The following CYTH3 variants were observed in gnomAD, a reference collection of about 807,000 sequenced individuals.
The protein encoded by CYTH3 is cytohesin-3.
CYTH3 carries 23 observed loss-of-function variants against 55.1 expected under a neutral mutation model. The observed-to-expected ratio is 0.42, with a 90% CI of 0.30 to 0.59. The LOEUF (loss-of-function observed/expected upper bound fraction) is 0.59, where lower values mean the gene tolerates loss of function less well. CYTH3 is among the 20% of genes least tolerant of loss of function. CYTH3 has a pLI of 0.20. For missense variants in CYTH3, 413 were observed against 524.8 expected (o/e 0.79, Z 2.08); for synonymous variants, 249 against 194.9 (o/e 1.28, Z -2.31).
At chr7:6,227,855 G>T (rs1323741229) in intron 1 of CYTH3, among the ~76,000 whole-genome samples, 3 of 152,194 alleles carry the variant, frequency 2.0e-5, no homozygotes, top group African/African-American at 7.2e-5. Context: ...ATGTGAACAA[G>T]TAACCTTACT....
chr7:6,264,103 T>C (rs1346974735), intron 1 of CYTH3, among the ~76,000 whole-genome samples: 2 of 151,558 alleles, frequency 1.3e-5, no homozygotes, highest in African/African-American at 2.4e-5. Flanking sequence ...AAAAATTAGC[T>C]GGGCATGATG....
intron 1 of CYTH3, among the ~76,000 whole-genome samples, chr7:6,258,754 G>T (rs1470682642): frequency 2.0e-5 from 3 of 152,096 alleles, no homozygotes; most frequent in Non-Finnish European, 4.4e-5. Context: ...CAAATCAAGA[G>T]TTGTTATTTA....
In CYTH3 at chr7:6,205,457, C is replaced by A. The variant is rs1421331314; in HGVS notation, c.35-14926G>T. On this transcript the variant is annotated intron_variant, in intron 1 of 12. Coordinates refer to ENST00000350796, the MANE Select transcript of CYTH3 (RefSeq NM_004227.4). ...GGCATGGCAGTGCACGCCTGTAATC[C>A]CAGCTACTCGGGAGGCTGAGGCAGG... 3.3e-5 allele frequency among the ~76,000 whole-genome samples: 5 copies of A among 152,072 alleles called. No homozygotes were observed. The South Asian group carries it at 1.0e-3, about 32-fold the overall frequency.
intron 1 of CYTH3, among the ~76,000 whole-genome samples, chr7:6,271,706 A>T (rs1308776493): frequency 6.6e-6 from 1 of 152,158 alleles, no homozygotes; most frequent in African/African-American, 2.4e-5. Flanking sequence ...CGTCAGACAC[A>T]GACCACCTGG....
intron 1 of CYTH3, among the ~76,000 whole-genome samples, chr7:6,244,406 T>A (rs2128556051): frequency 6.6e-6 from 1 of 152,360 alleles, no homozygotes; most frequent in African/African-American, 2.4e-5. Context: ...TGAAGTACCC[T>A]AGTAGAATCC....
intron 1 of CYTH3, among the ~76,000 whole-genome samples, chr7:6,244,061 T>C (rs1302955854): frequency 6.6e-6 from 1 of 152,218 alleles, no homozygotes; most frequent in Non-Finnish European, 1.5e-5. Flanking sequence ...GGTACTAAAA[T>C]AGTAAGTAAG....
chr7:6,165,847 G>A, intron 9 of CYTH3, 37 bp from the exon 10 acceptor site: 1 of 1,609,270 alleles, frequency 6.2e-7, no homozygotes, highest in Non-Finnish European at 8.5e-7. Context: ...TGCGCTCCGT[G>A]CACAGGGAGC....
At position 6,208,486 on chromosome 7, in the gene CYTH3, C is replaced by G. The variant is rs1490032592; in HGVS notation, c.35-17955G>C. Among the ~76,000 whole-genome samples, 3 of 152,198 alleles carry G rather than the reference C, an allele frequency of 2.0e-5. No homozygotes were observed. In the East Asian group the frequency reaches 5.9e-4, roughly 30 times the overall value. Reference sequence around the variant, plus strand: ...ACCTAAGGGCCAAGGACATAGCCAGCTCCTTGGGAACCTTGGCAAAAGTAC... The same window carrying G: ...ACCTAAGGGCCAAGGACATAGCCAGGTCCTTGGGAACCTTGGCAAAAGTAC... On this transcript the variant is annotated intron_variant, in intron 1 of 12. Transcript: ENST00000350796.
chr7:6,255,012 C>T (rs1333121758), intron 1 of CYTH3, among the ~76,000 whole-genome samples: 2 of 152,224 alleles, frequency 1.3e-5, no homozygotes, highest in Admixed American at 6.5e-5. Flanking sequence ...ACTCACTCTA[C>T]TCAGTATGTA....
At position 6,171,033 on chromosome 7, in the gene CYTH3, CCCCGCGTGCTGGGGG is replaced by C; in HGVS notation, c.563-70_563-56del. On this transcript the variant is annotated intron_variant, in intron 7 of 12. Transcript: ENST00000350796. The surrounding 1 kb of genome is among the most constrained non-coding windows in gnomAD (Gnocchi z 6.7). ...CCAGAACCTCCAGTGGACAGTGGGA[CCCCGCGTGCTGGGGG>C]CCCGCCTGCAAGAGGTGCCCGGCCC... 1.2e-6 allele frequency: 2 copies of C among 1,605,652 alleles called. No homozygotes were observed. The highest frequency in any genetic ancestry group is 1.7e-6 in the Non-Finnish European group (2 of 1,175,706).
chr7:6,166,741 G>C (rs112395818), intron 9 of CYTH3, among the ~76,000 whole-genome samples: 1 of 152,242 alleles, frequency 6.6e-6, no homozygotes, highest in South Asian at 2.1e-4. Flanking sequence ...GGCCGGAAGC[G>C]GGTCTCTGCA....
chr7:6,224,423 G>T (rs954872309), intron 1 of CYTH3, among the ~76,000 whole-genome samples: 3 of 152,086 alleles, frequency 2.0e-5, no homozygotes, highest in Non-Finnish European at 4.4e-5. Context: ...ATGGTGCTGG[G>T]ACAACTGGAC....
In CYTH3 at chr7:6,208,885, A is replaced by G. The variant is rs552043842; in HGVS notation, c.35-18354T>C. ...ATGGTCTAAAGATCTTCTCCATCAG[A>G]AACACTTGGAGGTAATTGTCTAAAA... On this transcript the variant is annotated intron_variant, in intron 1 of 12. Transcript: ENST00000350796. 7.9e-5 allele frequency among the ~76,000 whole-genome samples: 12 copies of G among 152,336 alleles called. No homozygotes were observed. The South Asian group carries it at 1.9e-3, about 24-fold the overall frequency.
At chr7:6,272,432 A>G in intron 1 of CYTH3, 42 bp downstream of exon 1, 1 of 699,364 alleles carries the variant, frequency 1.4e-6, no homozygotes, top group Non-Finnish European at 2.0e-6. Flanking sequence ...CCGGCCCCCG[A>G]CCCCAGGCCG....
chr7:6,215,245 C>T (rs576326832), intron 1 of CYTH3, among the ~76,000 whole-genome samples: 16 of 152,286 alleles, frequency 1.1e-4, no homozygotes, highest in East Asian at 7.7e-4. Flanking sequence ...AGATGCTCCA[C>T]GGTTCAGGGG....
rs529790078 is a variant in CYTH3, at chr7:6,244,501, G to A, written c.34+27973C>T. On this transcript the variant is annotated intron_variant, in intron 1 of 12. Coordinates refer to ENST00000350796, the MANE Select transcript of CYTH3 (RefSeq NM_004227.4). ...TTGTTTTGTTTGAGACAGGGTCTTC[G>A]TCACCCATGCTGGAGAGCAGTGGCA... 3.3e-5 allele frequency among the ~76,000 whole-genome samples: 5 copies of A among 152,258 alleles called. No individual in the cohort carries two copies. In the East Asian group the frequency reaches 5.8e-4, roughly 18 times the overall value.
At chr7:6,271,838 T>G (rs2115076047) in intron 1 of CYTH3, among the ~76,000 whole-genome samples, 1 of 152,072 alleles carries the variant, frequency 6.6e-6, no homozygotes, top group South Asian at 2.1e-4. Flanking sequence ...TCCACGGAGT[T>G]TTTTGCTCAA....
intron 9 of CYTH3, 125 bp from the exon 10 acceptor site, chr7:6,165,935 T>C (rs1351962096): frequency 3.6e-5 from 33 of 919,406 alleles, no homozygotes; most frequent in Non-Finnish European, 5.3e-5. Flanking sequence ...CAGGCTTGGG[T>C]TCAGGTGTCC....
chr7:6,171,142 C>G lies in CYTH3; in HGVS notation c.562+60G>C. On this transcript the variant is annotated intron_variant, in intron 7 of 12. Coordinates refer to ENST00000350796, the MANE Select transcript of CYTH3 (RefSeq NM_004227.4). This position sits in a 1 kb window ranked among gnomAD's most constrained non-coding sequence, Gnocchi z 6.7. Reference sequence around the variant, plus strand: ...CGCTGGGCTGTGCCCACAGGGGCCGCCCCCTCCAGAGCTGGAGGCTGTGCC... The same window carrying G: ...CGCTGGGCTGTGCCCACAGGGGCCGGCCCCTCCAGAGCTGGAGGCTGTGCC... 6.3e-7 allele frequency: 1 copy of G among 1,599,504 alleles called. No individual in the cohort carries two copies. The highest frequency in any genetic ancestry group is 1.3e-5 in the African/African-American group (1 of 74,646).
Sources: gnomAD v4.1 joint callset for allele counts (sites outside exome capture counted in the v4.1 genomes callset) on GRCh38, gnomAD v4.1.1 for gene constraint, Gnocchi (gnomAD v3.1) non-coding constraint, MANE v1.5 for transcripts, NCBI Gene and HGNC (gene_info 2026-07-23, HGNC 2026-07-21) for gene names.